PICALM: variants seen among roughly 807,000 people sequenced by gnomAD.
PICALM encodes phosphatidylinositol-binding clathrin assembly protein.
In PICALM, 40 loss-of-function variants were observed where a neutral mutation model predicts 80.5. The ratio of observed to expected loss-of-function variants is 0.50; its 90% CI spans 0.39 to 0.65. The LOEUF is 0.65. Ranked by LOEUF, PICALM falls within the 30% of genes least tolerant of loss-of-function variation. The probability of loss-of-function intolerance (pLI) is 0.00; values close to 1 mark genes in which losing one functional copy is unlikely to be tolerated. For missense variants in PICALM, 676 were observed against 778.9 expected (o/e 0.87, Z 1.57); for synonymous variants, 288 against 260.3 (o/e 1.11, Z -1.02).
chr11:85,985,602 TTAA>T (rs1158832312), intron 13 of PICALM, among the ~76,000 whole-genome samples: 1 of 152,148 alleles, frequency 6.6e-6, no homozygotes. Flanking sequence ...ACTTACCAAT[TTAA>T]TAATATTTTT....
At chr11:85,999,955 T>G (rs1033503471) in intron 11 of PICALM, among the ~76,000 whole-genome samples, 3 of 152,226 alleles carry the variant, frequency 2.0e-5, no homozygotes, top group Admixed American at 1.3e-4. Flanking sequence ...GCTTCTGATG[T>G]TAAAGTTGAG....
intron 1 of PICALM, among the ~76,000 whole-genome samples, chr11:86,052,898 A>C (rs1485296484): frequency 6.6e-6 from 1 of 152,178 alleles, no homozygotes; most frequent in Non-Finnish European, 1.5e-5. Flanking sequence ...TTGTTCCTCA[A>C]ACACAATTTC....
chr11:86,027,677 G>C (rs567446585), intron 2 of PICALM, among the ~76,000 whole-genome samples: 2 of 151,706 alleles, frequency 1.3e-5, no homozygotes, highest in Non-Finnish European at 2.9e-5. Flanking sequence ...GGCATGTCCA[G>C]CTCACATTTT....
intron 8 of PICALM, among the ~76,000 whole-genome samples, chr11:86,004,546 T>A (rs1213000636): frequency 6.6e-6 from 1 of 152,092 alleles, no homozygotes; most frequent in Admixed American, 6.6e-5. Flanking sequence ...AATTTTAAAC[T>A]CAGGCTATAG....
chr11:86,000,917 C>G (rs1260627827), intron 10 of PICALM, 118 bp downstream of exon 10: 7 of 1,479,708 alleles, frequency 4.7e-6, no homozygotes, highest in Non-Finnish European at 3.7e-6. Flanking sequence ...AAAAGTTAGA[C>G]TGAGTTTCAG....
chr11:85,958,157 G>C lies in PICALM; in HGVS notation c.*889C>G, dbSNP rs2093579665. The C allele has an allele frequency of 4.4e-6, 1 of 224,918 alleles. No individual in the cohort carries two copies. Among genetic ancestry groups the C allele is most frequent in the Non-Finnish European group, 8.9e-6 (1 of 112,548 alleles). The allele number at this position is 224,918 out of a possible 1,614,324, so 13.9% of individuals were successfully genotyped here. A position where few individuals can be genotyped will look rare whatever the true frequency, so the allele number is the denominator to read the frequency against. ...AAAATAATGACATGCCAAGCACAAAGCAGTAAAGATCCTTCCCAATGCACT... is the reference window on the plus strand; with the variant it reads ...AAAATAATGACATGCCAAGCACAAACCAGTAAAGATCCTTCCCAATGCACT... On this transcript the variant is annotated 3_prime_UTR_variant, in exon 20 of 20. Coordinates refer to ENST00000393346, the MANE Select transcript of PICALM (RefSeq NM_007166.4).
chr11:86,006,666 A>C (rs114642929), intron 8 of PICALM, among the ~76,000 whole-genome samples: 255 of 152,296 alleles, frequency 1.7e-3, no homozygotes, highest in African/African-American at 5.5e-3. Flanking sequence ...ACAACAACAA[A>C]AAAATGTCCT....
chr11:86,001,066 T>G lies in PICALM; in HGVS notation c.986A>C (p.Glu329Ala). 1 of 1,614,174 alleles carries G rather than the reference T, an allele frequency of 6.2e-7. No individual in the cohort carries two copies. Among genetic ancestry groups the G allele is most frequent in the Non-Finnish European group, 8.5e-7 (1 of 1,180,002 alleles). ...AGCTTTCAAACGTGCCTGTTCTTCCTCTAATGCTGCCTGCTTTTCCCTTTC... is the reference window on the plus strand; with the variant it reads ...AGCTTTCAAACGTGCCTGTTCTTCCGCTAATGCTGCCTGCTTTTCCCTTTC... ...VDEREKQAAL[E>A]EEQARLKALK... Residue 329 changes from glutamate to alanine, a missense_variant, in exon 10 of 20, where the codon GAG becomes GCG. This residue lies in a region of PICALM where 285 missense variants were observed against 395.4 expected (regional missense o/e 0.72). Coordinates refer to ENST00000393346, the MANE Select transcript of PICALM (RefSeq NM_007166.4).
chr11:85,994,399 A>G (rs563492640), intron 12 of PICALM, among the ~76,000 whole-genome samples: 1 of 152,212 alleles, frequency 6.6e-6, no homozygotes, highest in Non-Finnish European at 1.5e-5. Flanking sequence ...TGTCTTTCAT[A>G]TATACATATA....
chr11:86,038,129 G>A (rs1254342368), intron 1 of PICALM, among the ~76,000 whole-genome samples: 1 of 152,148 alleles, frequency 6.6e-6, no homozygotes, highest in East Asian at 1.9e-4. Context: ...AGACCAGCCT[G>A]GCCAATATGG....
chr11:86,022,592 T>A (rs1411575487), intron 3 of PICALM, 123 bp from the exon 4 acceptor site: 1 of 530,628 alleles, frequency 1.9e-6, no homozygotes, highest in Non-Finnish European at 3.3e-6. Flanking sequence ...TGTCTTGATA[T>A]CCCAATTCAA....
chr11:86,066,853 C>A (rs925284307), intron 1 of PICALM, among the ~76,000 whole-genome samples: 1 of 151,804 alleles, frequency 6.6e-6, no homozygotes, highest in Non-Finnish European at 1.5e-5. Context: ...ATTTGAAGAG[C>A]CGTAAATAGC....
Position 86,026,323 on chromosome 11 carries a change from T to G in PICALM, c.318A>C (p.Leu106Phe). Residue 106 changes from leucine to phenylalanine, a missense_variant, in exon 3 of 20, where the codon TTA (leucine) becomes TTC (phenylalanine). By Grantham distance (22) the Leu-to-Phe change is conservative. Coordinates refer to ENST00000393346, the MANE Select transcript of PICALM (RefSeq NM_007166.4). Reference protein sequence around the residue: ...YLASRNTLFNLSNFLDKSGLQ... With the variant: ...YLASRNTLFNFSNFLDKSGLQ... ...ATCCACTTTTATCCAAAAAATTGCT[T>G]AAGTTAAACAACGTGTTTCTTGAAG... 1 of 1,603,290 alleles carries G rather than the reference T, an allele frequency of 6.2e-7. No individual in the cohort carries two copies. The highest frequency in any genetic ancestry group is 8.5e-7 in the Non-Finnish European group (1 of 1,172,256).
intron 7 of PICALM, among the ~76,000 whole-genome samples, chr11:86,008,225 A>T (rs981565439): frequency 2.0e-5 from 3 of 152,160 alleles, no homozygotes; most frequent in Admixed American, 2.0e-4. Context: ...TAGCACCCCA[A>T]TTAGAAAACT....
chr11:86,026,059 G>A (rs1044740106), intron 3 of PICALM, among the ~76,000 whole-genome samples: 2 of 152,160 alleles, frequency 1.3e-5, no homozygotes, highest in Admixed American at 1.3e-4. Flanking sequence ...TCCAGCTCCA[G>A]AATTCATGCT....
At position 86,000,910 on chromosome 11, in the gene PICALM, A is replaced by C. The variant is rs575424685; in HGVS notation, c.1017+125T>G. 188 of 1,472,024 alleles carry C rather than the reference A, an allele frequency of 1.3e-4. 1 individual carries two copies. The East Asian group carries it at 3.9e-3, about 30-fold the overall frequency. The allele number at this position is 1,472,024 out of a possible 1,614,324, so 91.2% of individuals were successfully genotyped here. ...TACCTAATTCTATGTCAGGACGAAA[A>C]GTTAGACTGAGTTTCAGCCCATTAG... On this transcript the variant is annotated intron_variant, in intron 10 of 19. Coordinates refer to ENST00000393346, the MANE Select transcript of PICALM (RefSeq NM_007166.4).
chr11:86,012,943 TAATCA>T (rs2095422751), intron 5 of PICALM, among the ~76,000 whole-genome samples: 1 of 152,064 alleles, frequency 6.6e-6, no homozygotes, highest in South Asian at 2.1e-4. Flanking sequence ...TAAAATACAA[TAATCA>T]AATCAAATTA....
At chr11:86,022,320 T>A (rs1423497303) in intron 4 of PICALM, 47 bp downstream of exon 4, 1 of 1,053,376 alleles carries the variant, frequency 9.5e-7, no homozygotes, top group Non-Finnish European at 1.4e-6. Flanking sequence ...ATGTTTTACA[T>A]TTTTAAAAAT....
chr11:86,069,832 A>G (rs754451777), upstream of PICALM: 17 of 152,230 alleles, frequency 1.1e-4, no homozygotes, highest in South Asian at 2.1e-4. Flanking sequence ...TTTAGATACT[A>G]GCTGGCCGGT....
Sources: allele counts gnomAD v4.1 joint callset (sites outside exome capture counted in the v4.1 genomes callset), GRCh38; gene constraint gnomAD v4.1.1; regional missense constraint gnomAD v4.1.1; transcripts MANE v1.5; gene names NCBI Gene and HGNC (gene_info 2026-07-23, HGNC 2026-07-21).